Variants in CUBN observed in about 807,000 individuals in gnomAD.
CUBN encodes the protein cubilin.
A neutral mutation model predicts 405.3 loss-of-function variants in CUBN; 282 were observed. The observed-to-expected ratio is 0.70, with a 90% CI of 0.63 to 0.77. CUBN has a LOEUF of 0.77. Among genes scored for constraint, CUBN ranks in the 30% least tolerant of loss-of-function variants. The probability of loss-of-function intolerance (pLI) is 0.00; values close to 1 mark genes in which losing one functional copy is unlikely to be tolerated. For missense variants in CUBN, 4,514 were observed against 4,475.2 expected (o/e 1.01, Z -0.25); for synonymous variants, 1,684 against 1,617.0 (o/e 1.04, Z -0.99).
intron 28 of CUBN, among the ~76,000 whole-genome samples, chr10:16,999,376 C>T (rs994324650): frequency 6.6e-6 from 1 of 152,170 alleles, no homozygotes; most frequent in African/African-American, 2.4e-5. Context: ...AGAAGTTAGC[C>T]AATCTTGTCA....
intron 40 of CUBN, among the ~76,000 whole-genome samples, chr10:16,930,955 G>A (rs1842345638): frequency 6.6e-6 from 1 of 152,044 alleles, no homozygotes; most frequent in South Asian, 2.1e-4. Flanking sequence ...AATTGAAGTG[G>A]GATTTAAAAT....
At chr10:17,017,020 G>A (rs1012156859) in intron 28 of CUBN, among the ~76,000 whole-genome samples, 4 of 152,116 alleles carry the variant, frequency 2.6e-5, no homozygotes, top group African/African-American at 9.7e-5. Context: ...AGGCCATAGT[G>A]CAGAAAAAAA....
chr10:16,951,477 T>C (rs951401011), intron 33 of CUBN, among the ~76,000 whole-genome samples: 1 of 152,190 alleles, frequency 6.6e-6, no homozygotes, highest in African/African-American at 2.4e-5. Context: ...TTAAAGACTT[T>C]CCTACATTAT....
At chr10:17,072,288 T>C (rs996508849) in intron 17 of CUBN, among the ~76,000 whole-genome samples, 2 of 151,886 alleles carry the variant, frequency 1.3e-5, no homozygotes, top group African/African-American at 4.8e-5. Context: ...AAAATGAGAA[T>C]ATTACCTATG....
chr10:17,047,852 G>A (rs565040510), intron 22 of CUBN, among the ~76,000 whole-genome samples: 63 of 152,102 alleles, frequency 4.1e-4, no homozygotes, highest in Admixed American at 3.6e-3. Flanking sequence ...AACCCTTTAA[G>A]TCTTGAAAGT....
chr10:17,102,534 G>A (rs927506194), intron 13 of CUBN, among the ~76,000 whole-genome samples: 2 of 148,228 alleles, frequency 1.3e-5, no homozygotes, highest in Non-Finnish European at 3.0e-5. Context: ...CAATGTGCCC[G>A]CCTCAGCCTC....
intron 28 of CUBN, among the ~76,000 whole-genome samples, chr10:16,995,211 G>A (rs2131726952): frequency 1.3e-5 from 2 of 152,340 alleles, no homozygotes; most frequent in East Asian, 3.9e-4. Context: ...TTTTCATGGA[G>A]TAGACACGAT....
At chr10:17,055,898 A>T (rs1034573639) in intron 22 of CUBN, among the ~76,000 whole-genome samples, 3 of 152,128 alleles carry the variant, frequency 2.0e-5, no homozygotes, top group African/African-American at 7.2e-5. Context: ...GTTTTTTTAT[A>T]TATTGAAAAG....
chr10:16,846,936 A>G (rs1020915472), intron 60 of CUBN, among the ~76,000 whole-genome samples: 3 of 152,158 alleles, frequency 2.0e-5, no homozygotes, highest in Non-Finnish European at 4.4e-5. Context: ...AGAAAAAGTC[A>G]GCTAGGTTCA....
At chr10:17,121,699 T>A (rs538393201) in intron 6 of CUBN, among the ~76,000 whole-genome samples, 1 of 151,886 alleles carries the variant, frequency 6.6e-6, no homozygotes, top group Non-Finnish European at 1.5e-5. Context: ...AGTATAATAA[T>A]AATAAAATTT....
chr10:16,888,587 A>G, intron 55 of CUBN, 21 bp from the exon 56 acceptor site: 2 of 1,607,748 alleles, frequency 1.2e-6, no homozygotes, highest in Non-Finnish European at 1.7e-6. Context: ...ACAAAAAGTC[A>G]TCATCAGATC....
At position 17,129,785 on chromosome 10, in the gene CUBN, G is replaced by T; in HGVS notation, c.-20C>A. The T allele has an allele frequency of 6.2e-7, 1 of 1,613,588 alleles. No homozygotes were observed. The highest frequency in any genetic ancestry group is 8.5e-7 in the Non-Finnish European group (1 of 1,179,632). On this transcript the variant is annotated 5_prime_UTR_variant, in exon 1 of 67. Coordinates refer to ENST00000377833, the MANE Select transcript of CUBN (RefSeq NM_001081.4). ...CATCATCAACCTCCCAGGTTGGCAG[G>T]TAAGAGTGAGGCCACTCCAACCAAC...
At chr10:16,965,005 T>C (rs1451823804) in intron 31 of CUBN, among the ~76,000 whole-genome samples, 1 of 152,224 alleles carries the variant, frequency 6.6e-6, no homozygotes, top group Non-Finnish European at 1.5e-5. Context: ...CTACATTTCT[T>C]GCCACAGTAA....
chr10:17,026,648 A>T (rs781211257), intron 27 of CUBN, among the ~76,000 whole-genome samples: 16 of 151,754 alleles, frequency 1.1e-4, no homozygotes, highest in Non-Finnish European at 2.1e-4. Context: ...AAAAATAAAT[A>T]AATAAATAAT....
At chr10:17,066,953 C>A (rs1485656995) in intron 21 of CUBN, among the ~76,000 whole-genome samples, 1 of 152,020 alleles carries the variant, frequency 6.6e-6, no homozygotes, top group Non-Finnish European at 1.5e-5. Context: ...GACAACAAAC[C>A]TTCAGAGACA....
rs780012075 is a variant in CUBN at position 17,019,932 on chromosome 10, G to A, written c.4069C>T (p.Pro1357Ser). 1 of 1,614,002 alleles carries A rather than the reference G, an allele frequency of 6.2e-7. No individual in the cohort carries two copies. The highest frequency in any genetic ancestry group is 8.5e-7 in the Non-Finnish European group (1 of 1,180,004). The part of the protein sequence containing the change: ...MGRYCGVDLP[P>S]PGSTTSSKLQ... ...TTGGAGCTTGTAGTACTCCCTGGAG[G>A]GGGCAGGTCTACTCCACAGTAGCGT... The change falls in exon 28 of 67, where the codon CCT (proline) becomes TCT (serine). Residue 1357 changes from proline (P) to serine (S), a missense_variant. Pro to Ser is a moderately conservative substitution (Grantham distance 74). Around this residue, in one of 5 missense-constraint regions of CUBN, gnomAD observed 242 missense variants for 309.0 expected, o/e 0.78. Transcript: ENST00000377833.
chr10:17,017,984 T>C (rs979353660), intron 28 of CUBN, among the ~76,000 whole-genome samples: 1 of 152,090 alleles, frequency 6.6e-6, no homozygotes, highest in African/African-American at 2.4e-5. Context: ...AACCAACTTG[T>C]TGTTGGGACC....
intron 56 of CUBN, among the ~76,000 whole-genome samples, chr10:16,879,802 C>T (rs1334187108): frequency 6.6e-6 from 1 of 152,144 alleles, no homozygotes; most frequent in Admixed American, 6.5e-5. Flanking sequence ...AATACTCCCA[C>T]GATAGCCAAT....
intron 62 of CUBN, among the ~76,000 whole-genome samples, chr10:16,839,547 G>A (rs141265823): frequency 0.26 from 19,872 of 76,704 alleles, 4,786 homozygotes; most frequent in Middle Eastern, 0.52. Context: ...AATGGTGATT[G>A]TTAAAAAGTC....
Sources: allele counts gnomAD v4.1 joint callset (sites outside exome capture counted in the v4.1 genomes callset), GRCh38; gene constraint gnomAD v4.1.1; regional missense constraint gnomAD v4.1.1; transcripts MANE v1.5; gene names NCBI Gene and HGNC (gene_info 2026-07-23, HGNC 2026-07-21).